The following VAV1 variants were observed in gnomAD, a reference collection of about 807,000 sequenced individuals.
VAV1 encodes vav guanine nucleotide exchange factor 1.
VAV1 carries 33 observed loss-of-function variants against 128.1 expected under a neutral mutation model. That is an observed-to-expected ratio of 0.26 (90% confidence interval 0.20 to 0.34). The LOEUF (loss-of-function observed/expected upper bound fraction) is 0.34. Ranked by LOEUF, VAV1 falls within the 10% of genes least tolerant of loss-of-function variation. VAV1 has a pLI of 1.00. For synonymous variants in VAV1, 394 were observed against 409.8 expected (o/e 0.96, Z 0.47); for missense variants, 715 against 1,093.7 (o/e 0.65, Z 4.88).
chr19:6,814,674 T>TCCTTCCTTCCTTCCTTTCTCTCTC lies in VAV1; in HGVS notation c.205-6028_205-6027insCCTTCCTTCCTTCCTTTCTCTCTC, dbSNP rs1568299208. On this transcript the variant is annotated intron_variant, in intron 1 of 26. Transcript: ENST00000602142. ...TTCCTTCCTTCCTTCCTTCCTTCCT[T>TCCTTCCTTCCTTCCTTTCTCTCTC]TCTTTCTTTCTTTCTTTCTTTCTTT... 9.5e-5 allele frequency among the ~76,000 whole-genome samples: 9 copies of TCCTTCCTTCCTTCCTTTCTCTCTC among 95,234 alleles called. 2 individuals are homozygous for TCCTTCCTTCCTTCCTTTCTCTCTC. The highest frequency in any genetic ancestry group is 4.4e-4 in the African/African-American group (8 of 18,358). The allele number at this position is 95,234 out of a possible 152,430, so 62.5% of individuals were successfully genotyped here. A position where few individuals can be genotyped will look rare whatever the true frequency, so the allele number is the denominator to read the frequency against.
intron 18 of VAV1, 24 bp from the exon 19 acceptor site, chr19:6,833,884 G>A: frequency 1.9e-6 from 3 of 1,614,116 alleles, no homozygotes; most frequent in Non-Finnish European, 2.5e-6. Context: ...TAGGTAGACA[G>A]GCTTTCTTTG....
intron 1 of VAV1, among the ~76,000 whole-genome samples, chr19:6,779,925 C>G (rs1431176688): frequency 6.7e-6 from 1 of 149,306 alleles, no homozygotes; most frequent in African/African-American, 2.4e-5. Flanking sequence ...TCCTGGCTAA[C>G]ACGGTGAAAC....
At chr19:6,797,038 C>A (rs1440797502) in intron 1 of VAV1, among the ~76,000 whole-genome samples, 1 of 151,714 alleles carries the variant, frequency 6.6e-6, no homozygotes, top group Admixed American at 6.6e-5. Context: ...AGGAGACCAG[C>A]CCAGCCAACG....
At chr19:6,825,221 T>C (rs1327527124) in intron 7 of VAV1, 82 bp from the exon 8 acceptor site, 1 of 1,574,046 alleles carries the variant, frequency 6.4e-7, no homozygotes, top group Non-Finnish European at 8.7e-7. Context: ...TTGAGCGGCA[T>C]GGGGCGGGTG....
chr19:6,830,320 G>A (rs957314308), intron 14 of VAV1, among the ~76,000 whole-genome samples: 3 of 152,032 alleles, frequency 2.0e-5, no homozygotes, highest in South Asian at 2.1e-4. Flanking sequence ...GCCTCCCAAA[G>A]TGCTGGGATT....
chr19:6,809,216 G>A (rs945042271), intron 1 of VAV1, among the ~76,000 whole-genome samples: 10 of 151,968 alleles, frequency 6.6e-5, no homozygotes, highest in African/African-American at 2.4e-5. Flanking sequence ...TGGAACTATA[G>A]GCATGTGCCA....
chr19:6,823,201 C>T (rs999896167), intron 6 of VAV1, among the ~76,000 whole-genome samples: 3 of 149,500 alleles, frequency 2.0e-5, no homozygotes, highest in Non-Finnish European at 4.4e-5. Flanking sequence ...TCTCGCTTTA[C>T]TACAATCTCT....
Position 6,828,926 on chromosome 19 carries a change from G to T in VAV1, c.1265+26G>T. The T allele has an allele frequency of 6.2e-7, 1 of 1,613,096 alleles. No individual in the cohort carries two copies. The highest frequency in any genetic ancestry group is 1.1e-5 in the South Asian group (1 of 91,020). The stretch of plus-strand genomic sequence containing the variant: ...GTGGGTGGAGTCAACATGGATCTGG[G>T]ATGGAGCCTGGGCAAAGGGGTGGGA... On this transcript the variant is annotated intron_variant, in intron 13 of 26. Coordinates refer to ENST00000602142, the MANE Select transcript of VAV1 (RefSeq NM_005428.4). The surrounding 1 kb of genome is among the most constrained non-coding windows in gnomAD (Gnocchi z 4.5).
chr19:6,790,543 A>G (rs951437016), intron 1 of VAV1, among the ~76,000 whole-genome samples: 1 of 152,152 alleles, frequency 6.6e-6, no homozygotes, highest in Non-Finnish European at 1.5e-5. Context: ...GCTCCAGATG[A>G]TCCAGGACAG....
intron 1 of VAV1, among the ~76,000 whole-genome samples, chr19:6,809,709 G>A (rs542396100): frequency 1.3e-5 from 2 of 152,146 alleles, no homozygotes; most frequent in Non-Finnish European, 1.5e-5. Flanking sequence ...GTACAAAACG[G>A]ATCAGGAAGA....
At chr19:6,830,445 T>A (rs1023111121) in intron 14 of VAV1, among the ~76,000 whole-genome samples, 1 of 151,998 alleles carries the variant, frequency 6.6e-6, no homozygotes, top group Non-Finnish European at 1.5e-5. Context: ...TTTGTTTGTT[T>A]GTTGGTTTGT....
intron 6 of VAV1, among the ~76,000 whole-genome samples, chr19:6,824,435 G>A (rs1020028871): frequency 1.3e-5 from 2 of 152,168 alleles, no homozygotes; most frequent in African/African-American, 4.8e-5. Flanking sequence ...TTCTTTTGCT[G>A]AGCGTAGTGT....
At chr19:6,810,983 T>C (rs898268867) in intron 1 of VAV1, among the ~76,000 whole-genome samples, 1 of 152,214 alleles carries the variant, frequency 6.6e-6, no homozygotes, top group African/African-American at 2.4e-5. Context: ...ACCTTTGTCC[T>C]CATCTGGAAC....
Position 6,822,588 on chromosome 19 carries a change from C to G in VAV1, c.654+74C>G. On this transcript the variant is annotated intron_variant, in intron 6 of 26. Coordinates refer to ENST00000602142, the MANE Select transcript of VAV1 (RefSeq NM_005428.4). This position sits in a 1 kb window ranked among gnomAD's most constrained non-coding sequence, Gnocchi z 5.9. The stretch of plus-strand genomic sequence containing the variant: ...GCCGGCAGGTGCACGTCCACCTGTC[C>G]GGCCGCTCTGGGCAGCTGAGGATTT... 7.4e-7 allele frequency: 1 copy of G among 1,359,950 alleles called. No individual in the cohort carries two copies. Among genetic ancestry groups the G allele is most frequent in the East Asian group, 2.5e-5 (1 of 39,730 alleles). 84.2% of individuals were successfully genotyped at this position (1,359,950 alleles called of 1,614,324 possible).
chr19:6,845,085 T>C (rs999612293), intron 22 of VAV1, among the ~76,000 whole-genome samples: 1 of 152,042 alleles, frequency 6.6e-6, no homozygotes, highest in Non-Finnish European at 1.5e-5. Flanking sequence ...TTTTTTAAAA[T>C]TGAGGTGAAA....
rs1005262864 is a variant in VAV1 at position 6,798,665 on chromosome 19, C to G, written c.205-22037C>G. On this transcript the variant is annotated intron_variant, in intron 1 of 26. Transcript: ENST00000602142. ...GAGACCCTGTTTCTCCCCTTCCCCC[C>G]CCCACCCAAAAGAAGGGGGAAAAAA... Among the ~76,000 whole-genome samples the G allele has an allele frequency of 2.0e-5, 3 of 151,430 alleles. No homozygotes were observed. The East Asian group carries it at 5.8e-4, about 29-fold the overall frequency.
chr19:6,810,253 A>C (rs1599643794), intron 1 of VAV1, among the ~76,000 whole-genome samples: 1 of 152,192 alleles, frequency 6.6e-6, no homozygotes, highest in Non-Finnish European at 1.5e-5. Context: ...AGGCAGGAAG[A>C]TTGCTTGAGC....
chr19:6,825,334 A>G lies in VAV1; in HGVS notation c.755A>G (p.Lys252Arg). Reference protein sequence around the residue: ...DLLRVHTHFLKEMKEALGTPG... With the variant: ...DLLRVHTHFLREMKEALGTPG... ...CTTCGTGTTCATACTCACTTCCTAA[A>G]GGAGATGAAGGAAGCCCTGGGCACC... Residue 252 changes from lysine (K) to arginine (R), a missense_variant, in exon 8 of 27, where the codon AAG (lysine) becomes AGG (arginine). Lys to Arg is a conservative substitution (Grantham distance 26). Around this residue, in one of 3 missense-constraint regions of VAV1, gnomAD observed 302 missense variants for 477.8 expected, o/e 0.63. Transcript: ENST00000602142. The G allele has an allele frequency of 1.9e-6, 3 of 1,613,400 alleles. No homozygotes were observed. The East Asian group carries it at 6.7e-5, about 36-fold the overall frequency.
intron 1 of VAV1, among the ~76,000 whole-genome samples, chr19:6,810,356 C>T (rs8102571): frequency 0.15 from 22,845 of 151,952 alleles, 2,234 homozygotes; most frequent in African/African-American, 0.28. Flanking sequence ...AAAATAAACC[C>T]GACTTTCAAA....
Sources: gnomAD v4.1 joint callset for allele counts (sites outside exome capture counted in the v4.1 genomes callset) on GRCh38, gnomAD v4.1.1 for gene constraint, gnomAD v4.1.1 regional missense constraint, Gnocchi (gnomAD v3.1) non-coding constraint, MANE v1.5 for transcripts, NCBI Gene and HGNC (gene_info 2026-07-23, HGNC 2026-07-21) for gene names.